The following KDM4C variants were observed in gnomAD, a reference collection of about 807,000 sequenced individuals.
KDM4C encodes lysine demethylase 4C, also known as lysine-specific demethylase 4C.
A neutral mutation model predicts 129.3 loss-of-function variants in KDM4C; 81 were observed. That is an observed-to-expected ratio of 0.63 (90% CI 0.52 to 0.75). KDM4C has a LOEUF of 0.75. Among genes scored for constraint, KDM4C ranks in the 30% least tolerant of loss-of-function variants. The pLI is 0.00. For synonymous variants in KDM4C, 573 were observed against 456.1 expected, an observed-to-expected ratio of 1.26 and a Z score of -3.26; for missense variants, 1,457 against 1,304.0, an observed-to-expected ratio of 1.12 and a Z score of -1.81.
intron 1 of KDM4C, among the ~76,000 whole-genome samples, chr9:6,779,437 A>T (rs1823831622): frequency 6.6e-6 from 1 of 152,024 alleles, no homozygotes; most frequent in Non-Finnish European, 1.5e-5. Context: ...GGTCTGAAGA[A>T]ATAGTTCTGG....
intron 12 of KDM4C, among the ~76,000 whole-genome samples, chr9:6,992,363 T>C (rs1490779946): frequency 6.6e-6 from 1 of 152,240 alleles, no homozygotes; most frequent in Non-Finnish European, 1.5e-5. Context: ...ATTGGTTTGA[T>C]GAAGTCGTCT....
chr9:7,062,840 C>T (rs1419740624), intron 17 of KDM4C, among the ~76,000 whole-genome samples: 2 of 152,108 alleles, frequency 1.3e-5, no homozygotes, highest in African/African-American at 2.4e-5. Flanking sequence ...GATACGGGGA[C>T]ACAATGCTAT....
chr9:6,809,543 A>G (rs1340065373), intron 3 of KDM4C, among the ~76,000 whole-genome samples: 1 of 152,224 alleles, frequency 6.6e-6, no homozygotes, highest in African/African-American at 2.4e-5. Context: ...TAACTGCCAT[A>G]GGAAAGGTAC....
chr9:7,002,762 C>T (rs1820960755), intron 12 of KDM4C, among the ~76,000 whole-genome samples: 1 of 152,292 alleles, frequency 6.6e-6, no homozygotes, highest in Non-Finnish European at 1.5e-5. Context: ...GTAAGGCAAT[C>T]GAAGCTCATA....
chr9:6,791,777 C>CT (rs1826676605), intron 1 of KDM4C, among the ~76,000 whole-genome samples: 1 of 152,110 alleles, frequency 6.6e-6, no homozygotes. Context: ...AATCCCAGCA[C>CT]TTTGGGAGGC....
Position 6,758,298 on chromosome 9 carries a change from C to A in KDM4C, c.-18+95C>A. The A allele has an allele frequency of 2.8e-6, 2 of 720,304 alleles. No individual in the cohort carries two copies. Among genetic ancestry groups the A allele is most frequent in the Non-Finnish European group, 3.4e-6 (2 of 588,094 alleles). The allele number at this position is 720,304 out of a possible 1,614,324, so 44.6% of individuals were successfully genotyped here. On this transcript the variant is annotated intron_variant, in intron 1 of 21. Coordinates refer to ENST00000381309, the MANE Select transcript of KDM4C (RefSeq NM_015061.6). The surrounding 1 kb of genome is among the most constrained non-coding windows in gnomAD (Gnocchi z 4.6). The stretch of plus-strand genomic sequence containing the variant: ...CCCCTCCGCGTGGGGCACGGGGGTG[C>A]GGGCGTCCGGGCGAGCGGCGACGCT...
intron 7 of KDM4C, among the ~76,000 whole-genome samples, chr9:6,889,529 G>A (rs1477166898): frequency 6.6e-6 from 1 of 152,142 alleles, no homozygotes; most frequent in South Asian, 2.1e-4. Flanking sequence ...GGCACAGGCT[G>A]TGCCACTCAG....
rs534122057 is a variant in KDM4C, at chr9:6,888,761, A to G, written c.783+698A>G. Among the ~76,000 whole-genome samples the G allele has an allele frequency of 3.0e-3, 454 of 152,002 alleles. 1 individual carries two copies. Among genetic ancestry groups the G allele is most frequent in the African/African-American group, 0.01 (435 of 41,474 alleles). ...TAGCTGCTTGCAGAAACATTAAAAA[A>G]TAGCTCTTCCTTCTTCTGTGTTTTT... On this transcript the variant is annotated intron_variant, in intron 7 of 21. Transcript: ENST00000381309.
At chr9:6,797,261 A>G (rs1451089693) in intron 2 of KDM4C, among the ~76,000 whole-genome samples, 4 of 152,140 alleles carry the variant, frequency 2.6e-5, no homozygotes, top group Non-Finnish European at 5.9e-5. Flanking sequence ...TGCTGGGATT[A>G]CAGGCATGAG....
At chr9:6,778,307 C>G (rs1305811348) in intron 1 of KDM4C, among the ~76,000 whole-genome samples, 4 of 149,530 alleles carry the variant, frequency 2.7e-5, no homozygotes, top group East Asian at 4.2e-4. Flanking sequence ...CCAGGCTGGT[C>G]TTGAACTCCT....
intron 8 of KDM4C, among the ~76,000 whole-genome samples, chr9:6,928,455 G>C (rs1000348334): frequency 1.3e-5 from 2 of 152,178 alleles, no homozygotes; most frequent in Admixed American, 1.3e-4. Context: ...CTGCTTGCCT[G>C]GTTAGACCCT....
At chr9:7,075,927 T>C (rs538970644) in intron 17 of KDM4C, among the ~76,000 whole-genome samples, 1 of 152,242 alleles carries the variant, frequency 6.6e-6, no homozygotes, top group South Asian at 2.1e-4. Flanking sequence ...TTGGGTGTGA[T>C]AATTTGTTAG....
intron 19 of KDM4C, among the ~76,000 whole-genome samples, chr9:7,133,645 T>G (rs1840881275): frequency 6.6e-6 from 1 of 152,212 alleles, no homozygotes; most frequent in Admixed American, 6.5e-5. Flanking sequence ...TTCTGCTCTT[T>G]GTGGCTTAGT....
chr9:7,166,741 A>T (rs1012283982), intron 20 of KDM4C, among the ~76,000 whole-genome samples: 2 of 152,240 alleles, frequency 1.3e-5, no homozygotes, highest in Non-Finnish European at 2.9e-5. Flanking sequence ...ACATGAAAAG[A>T]ATCACATAAT....
chr9:6,807,533 C>T lies in KDM4C; in HGVS notation c.320+1759C>T, dbSNP rs1380705032. 4.0e-5 allele frequency among the ~76,000 whole-genome samples: 6 copies of T among 149,168 alleles called. No individual in the cohort carries two copies. In the South Asian group the frequency reaches 6.4e-4, roughly 16 times the overall value. On this transcript the variant is annotated intron_variant, in intron 3 of 21. Coordinates refer to ENST00000381309, the MANE Select transcript of KDM4C (RefSeq NM_015061.6). ...GATGTGGGGAGCGCCTCTGCCCCGC[C>T]GCCCCATCTGGGATGTGAGGAGCGC...
intron 3 of KDM4C, among the ~76,000 whole-genome samples, chr9:6,808,810 T>G (rs1319580554): frequency 6.6e-6 from 1 of 152,054 alleles, no homozygotes; most frequent in Non-Finnish European, 1.5e-5. Context: ...AAGCTCTACT[T>G]CTTGAAGGGA....
chr9:6,745,825 T>C (rs944934447), intron 1 of KDM4C, among the ~76,000 whole-genome samples: 1 of 151,654 alleles, frequency 6.6e-6, no homozygotes, highest in African/African-American at 2.4e-5. Context: ...ATTTTATTTT[T>C]TGAGGTGGAG....
At chr9:6,730,217 G>A (rs574743914) in intron 1 of KDM4C, among the ~76,000 whole-genome samples, 1 of 152,122 alleles carries the variant, frequency 6.6e-6, no homozygotes, top group Non-Finnish European at 1.5e-5. Context: ...AGGGCTTTTC[G>A]GAATCCTGAT....
intron 7 of KDM4C, among the ~76,000 whole-genome samples, chr9:6,891,913 G>A (rs117517799): frequency 7.5e-4 from 114 of 152,152 alleles, no homozygotes; most frequent in Non-Finnish European, 1.3e-3. Flanking sequence ...TGTCAAAACA[G>A]ATCAAACTGT....
Sources: allele counts gnomAD v4.1 joint callset (sites outside exome capture counted in the v4.1 genomes callset), GRCh38; gene constraint gnomAD v4.1.1; non-coding constraint Gnocchi (gnomAD v3.1); transcripts MANE v1.5; gene names NCBI Gene and HGNC (gene_info 2026-07-23, HGNC 2026-07-21).